The following MYH4 variants were observed in gnomAD, a reference collection of about 807,000 sequenced individuals.
MYH4 encodes myosin heavy chain 4.
MYH4 carries 200 observed loss-of-function variants against 229.9 expected under a neutral mutation model. That is an observed-to-expected ratio of 0.87 (90% CI 0.78 to 0.98). MYH4 has a LOEUF of 0.98. Among genes scored for constraint, MYH4 ranks in the 50% least tolerant of loss-of-function variants. The probability of loss-of-function intolerance (pLI) is 0.00; values close to 1 mark genes in which losing one functional copy is unlikely to be tolerated. For synonymous variants in MYH4, 761 were observed against 834.6 expected, an observed-to-expected ratio of 0.91 and a Z score of 1.52; for missense variants, 2,148 against 2,332.6, an observed-to-expected ratio of 0.92 and a Z score of 1.63.
chr17:10,466,577 C>T lies in MYH4; in HGVS notation c.169G>A (p.Gly57Arg), dbSNP rs780288488. The change falls in exon 3 of 40, where the codon GGG becomes AGG. Residue 57 changes from glycine (G) to arginine (R), a missense_variant. Gly to Arg is a moderately radical substitution (Grantham distance 125). Transcript: ENST00000255381. ...TCGGTCTTGGCTGTCACCTTCCCCC[C>T]TTCCCTGCTCTGCACTATTGCTTTC... ...YVKAIVQSRE[G>R]GKVTAKTEAG... 5.4e-5 allele frequency: 87 copies of T among 1,613,830 alleles called. No individual in the cohort carries two copies. The South Asian group carries it at 7.2e-4, about 13-fold the overall frequency.
In MYH4 at chr17:10,466,331, A is replaced by G. The variant is rs370416064; in HGVS notation, c.290T>C (p.Leu97Pro). 100 of 1,614,090 alleles carry G rather than the reference A, an allele frequency of 6.2e-5. No homozygotes were observed. Among genetic ancestry groups the G allele is most frequent in the Non-Finnish European group, 8.2e-5 (97 of 1,180,032 alleles). The change falls in exon 4 of 40, where the codon CTG becomes CCG. Residue 97 changes from leucine (L) to proline (P), a missense_variant. Transcript: ENST00000255381. The part of the protein sequence containing the change: ...KIEDMAMMTH[L>P]HEPAVLYNLK... ...GTTATACAGCACAGCAGGCTCATGC[A>G]GGTGAGTCATCATGGCCATGTCCTC... is the stretch of plus-strand genomic sequence containing the variant.
chr17:10,457,631 T>C lies in MYH4; in HGVS notation c.1686A>G (p.Lys562=). 6.2e-7 allele frequency: 1 copy of C among 1,614,194 alleles called. No individual in the cohort carries two copies. Among genetic ancestry groups the C allele is most frequent in the African/African-American group, 1.3e-5 (1 of 75,048 alleles). ...KNKLYEQHLG[K]SNNFQKPKPA... ...GCTTGGGCTTCTGGAAGTTGTTGGA[T>C]TTTCCAAGATGTTGTTCATACAGCT... Residue 562 remains lysine, a synonymous_variant, in exon 16 of 40, where the codon AAA becomes AAG. Coordinates refer to ENST00000255381, the MANE Select transcript of MYH4 (RefSeq NM_017533.2).
intron 5 of MYH4, 121 bp downstream of exon 5, chr17:10,465,321 A>T: frequency 7.8e-7 from 1 of 1,288,406 alleles, no homozygotes; most frequent in Non-Finnish European, 1.1e-6. Context: ...CCCTAATTTT[A>T]TTATTTCTGT....
intron 27 of MYH4, 36 bp downstream of exon 27, chr17:10,451,905 C>T (rs2142215968): frequency 6.4e-7 from 1 of 1,553,098 alleles, no homozygotes; most frequent in Non-Finnish European, 8.7e-7. Context: ...TGAATTGTTG[C>T]AAATAAAGAT....
chr17:10,466,323 G>C lies in MYH4; in HGVS notation c.298C>G (p.Pro100Ala), dbSNP rs746150609. 3.1e-6 allele frequency: 5 copies of C among 1,614,166 alleles called. No individual in the cohort carries two copies. In the South Asian group the frequency reaches 5.5e-5, roughly 18 times the overall value. Residue 100 changes from proline (P) to alanine (A), a missense_variant, in exon 4 of 40, where the codon CCT (proline) becomes GCT (alanine). By Grantham distance (27) the Pro-to-Ala change is conservative. Transcript: ENST00000255381. ...DMAMMTHLHEPAVLYNLKERY... is the reference protein window; with the variant it reads ...DMAMMTHLHEAAVLYNLKERY... ...TCTTTGAGGTTATACAGCACAGCAG[G>C]CTCATGCAGGTGAGTCATCATGGCC...
chr17:10,451,804 T>C, intron 27 of MYH4, 137 bp downstream of exon 27: 1 of 1,099,864 alleles, frequency 9.1e-7, no homozygotes, highest in Non-Finnish European at 1.3e-6. Context: ...TTCAATACAA[T>C]AATGTGTACT....
intron 27 of MYH4, among the ~76,000 whole-genome samples, chr17:10,451,735 T>C (rs982594301): frequency 3.3e-5 from 5 of 152,164 alleles, no homozygotes; most frequent in Non-Finnish European, 5.9e-5. Flanking sequence ...TTTTTTTTCA[T>C]GGTAATAGTA....
chr17:10,458,859 A>G (rs1195486065), intron 15 of MYH4, among the ~76,000 whole-genome samples: 3 of 152,216 alleles, frequency 2.0e-5, no homozygotes, highest in Non-Finnish European at 2.9e-5. Context: ...ACGTGTTGAC[A>G]TAGCCTGCCT....
intron 23 of MYH4, 79 bp from the exon 24 acceptor site, chr17:10,453,407 G>A: frequency 6.2e-7 from 1 of 1,603,812 alleles, no homozygotes; most frequent in Non-Finnish European, 8.5e-7. Context: ...TAGTATCTTA[G>A]GATAATGTCA....
intron 7 of MYH4, among the ~76,000 whole-genome samples, chr17:10,463,848 G>T (rs534594555): frequency 6.6e-6 from 1 of 152,256 alleles, no homozygotes; most frequent in Admixed American, 6.5e-5. Flanking sequence ...CCCAGGCCCA[G>T]AAAAGCACCT....
chr17:10,468,844 A>G (rs1454198276), intron 2 of MYH4, among the ~76,000 whole-genome samples: 1 of 152,180 alleles, frequency 6.6e-6, no homozygotes, highest in Non-Finnish European at 1.5e-5. Flanking sequence ...CGCTAAATGC[A>G]GGTTTGTTAA....
At chr17:10,465,634 A>G (rs1567707507) in intron 4 of MYH4, 36 bp from the exon 5 acceptor site, 3 of 1,613,228 alleles carry the variant, frequency 1.9e-6, no homozygotes, top group East Asian at 4.5e-5. Flanking sequence ...ATCAGCAATC[A>G]CCTTGTTTAT....
intron 7 of MYH4, among the ~76,000 whole-genome samples, chr17:10,463,922 TC>T (rs2072731421): frequency 6.6e-6 from 1 of 152,194 alleles, no homozygotes; most frequent in Non-Finnish European, 1.5e-5. Context: ...TTCATCTCAT[TC>T]TCATGAGCTC....
At chr17:10,447,682 G>T in intron 34 of MYH4, 136 bp downstream of exon 34, 2 of 877,694 alleles carry the variant, frequency 2.3e-6, no homozygotes, top group Non-Finnish European at 3.5e-6. Context: ...AGTTGTGTGT[G>T]TATAACTTTG....
chr17:10,449,872 G>A (rs191697977), intron 30 of MYH4, among the ~76,000 whole-genome samples: 2 of 152,218 alleles, frequency 1.3e-5, no homozygotes, highest in Admixed American at 1.3e-4. Context: ...AACAACTACT[G>A]AGATAAATTA....
chr17:10,465,839 A>T (rs1261000002), intron 4 of MYH4, among the ~76,000 whole-genome samples: 1 of 115,936 alleles, frequency 8.6e-6, no homozygotes, highest in East Asian at 2.8e-4. Context: ...CAGTGGCGGG[A>T]TCTCGGCTCA....
At chr17:10,463,017 CA>C in intron 10 of MYH4, 49 bp from the exon 11 acceptor site, 1 of 1,599,266 alleles carries the variant, frequency 6.3e-7, no homozygotes. Context: ...CTTTGGTCAT[CA>C]AAAACATTTC....
chr17:10,466,256 G>C lies in MYH4; in HGVS notation c.348+17C>G, dbSNP rs760697527. 2 of 1,612,312 alleles carry C rather than the reference G, an allele frequency of 1.2e-6. No homozygotes were observed. The highest frequency in any genetic ancestry group is 2.2e-5 in the South Asian group (2 of 90,628). On this transcript the variant is annotated intron_variant, in intron 4 of 39. Coordinates refer to ENST00000255381, the MANE Select transcript of MYH4 (RefSeq NM_017533.2). ...GAATGTGGAGTGAGTGAGAAATAGC[G>C]TTGAAAGGGTGCTCACGTAGATCAT... is the stretch of plus-strand genomic sequence containing the variant.
intron 34 of MYH4, 21 bp downstream of exon 34, chr17:10,447,797 T>G: frequency 6.3e-7 from 1 of 1,585,510 alleles, no homozygotes; most frequent in South Asian, 1.2e-5. Flanking sequence ...TACAACACTA[T>G]GTGTATTTAC....
Sources: gnomAD v4.1 joint callset for allele counts (sites outside exome capture counted in the v4.1 genomes callset) on GRCh38, gnomAD v4.1.1 for gene constraint, MANE v1.5 for transcripts, NCBI Gene and HGNC (gene_info 2026-07-23, HGNC 2026-07-21) for gene names.